ADAM12: variants seen among roughly 807,000 people sequenced by gnomAD.
ADAM12 encodes the protein ADAM metallopeptidase domain 12, also known as disintegrin and metalloproteinase domain-containing protein 12.
In ADAM12, 70 loss-of-function variants were observed where a neutral mutation model predicts 106.4. The ratio of observed to expected loss-of-function variants is 0.66; its 90% CI spans 0.54 to 0.80. The LOEUF (loss-of-function observed/expected upper bound fraction) is 0.80, where lower values mean the gene tolerates loss of function less well. ADAM12 is among the 30% of genes least tolerant of loss of function. The pLI, the probability that ADAM12 is intolerant of heterozygous loss-of-function variation, is 0.00. For missense variants in ADAM12, 1,010 were observed against 1,171.9 expected (o/e 0.86, Z 2.02); for synonymous variants, 420 against 433.5 (o/e 0.97, Z 0.39).
At chr10:126,200,984 T>G (rs1957689116) in intron 3 of ADAM12, among the ~76,000 whole-genome samples, 2 of 152,140 alleles carry the variant, frequency 1.3e-5, no homozygotes, top group South Asian at 4.1e-4. Flanking sequence ...GGGCATAAAT[T>G]TCTCATATGG....
At chr10:126,226,211 T>TGGGGGGGGGGGGGGGGGGGGGGGGGAGG (rs1565151047) in intron 3 of ADAM12, among the ~76,000 whole-genome samples, 1 of 56,626 alleles carries the variant, frequency 1.8e-5, no homozygotes, top group African/African-American at 6.7e-5. Context: ...GCGGGGGGAG[T>TGGGGGGGGGGGGGGGGGGGGGGGGGAGG]GGGGTGGGAG....
chr10:126,071,833 T>C (rs1421607629), intron 11 of ADAM12, among the ~76,000 whole-genome samples, 179 bp from the exon 12 acceptor site: 1 of 152,200 alleles, frequency 6.6e-6, no homozygotes, highest in East Asian at 1.9e-4. Flanking sequence ...CACATTCAGT[T>C]CCATCCCGAC....
intron 20 of ADAM12, among the ~76,000 whole-genome samples, chr10:126,036,840 C>G (rs1438937797): frequency 6.6e-6 from 1 of 152,182 alleles, no homozygotes; most frequent in Non-Finnish European, 1.5e-5. Context: ...TGCAGGGACC[C>G]TTATACCTCA....
intron 21 of ADAM12, among the ~76,000 whole-genome samples, chr10:126,025,952 A>AG (rs1407592550): frequency 1.3e-5 from 2 of 152,202 alleles, no homozygotes; most frequent in Non-Finnish European, 2.9e-5. Flanking sequence ...GACTAACAGC[A>AG]GACCTCCCAG....
chr10:126,247,098 T>G (rs1244424494), intron 3 of ADAM12, among the ~76,000 whole-genome samples: 1 of 152,234 alleles, frequency 6.6e-6, no homozygotes, highest in Non-Finnish European at 1.5e-5. Context: ...TACTTCTTGT[T>G]GGAAAATAAT....
chr10:126,348,533 G>A (rs1015314144), intron 1 of ADAM12, among the ~76,000 whole-genome samples: 5 of 152,128 alleles, frequency 3.3e-5, no homozygotes, highest in South Asian at 2.1e-4. Context: ...GAGAGAGAAC[G>A]GATGCATATG....
At chr10:126,186,997 CA>C (rs1289858639) in intron 3 of ADAM12, among the ~76,000 whole-genome samples, 1 of 152,198 alleles carries the variant, frequency 6.6e-6, no homozygotes, top group Admixed American at 6.5e-5. Flanking sequence ...GATCAATCTC[CA>C]ACTTTGGATT....
chr10:126,216,230 C>T (rs1363779321), intron 3 of ADAM12, among the ~76,000 whole-genome samples: 1 of 152,176 alleles, frequency 6.6e-6, no homozygotes, highest in East Asian at 1.9e-4. Flanking sequence ...TCCATCCCAG[C>T]AGTATTTAAG....
In ADAM12 at chr10:126,064,255, A is replaced by T. The variant is rs570185515; in HGVS notation, c.1609+551T>A. ...ACTGCTGCTCTCAGGCCTTCTGATT[A>T]CAGACACACTCATGCTTCAAGTCTG... On this transcript the variant is annotated intron_variant, in intron 14 of 22. Coordinates refer to ENST00000448723, the MANE Select transcript of ADAM12 (RefSeq NM_001288973.2). The surrounding 1 kb of genome is among the most constrained non-coding windows in gnomAD (Gnocchi z 4.4). 6.6e-6 allele frequency among the ~76,000 whole-genome samples: 1 copy of T among 152,264 alleles called. No homozygotes were observed. Among genetic ancestry groups the T allele is most frequent in the African/African-American group, 2.4e-5 (1 of 41,552 alleles).
At chr10:126,299,022 G>A (rs534184000) in intron 2 of ADAM12, among the ~76,000 whole-genome samples, 2 of 152,322 alleles carry the variant, frequency 1.3e-5, no homozygotes, top group Admixed American at 1.3e-4. Context: ...TTTTCTTCAG[G>A]AGAGAGGAAT....
At chr10:126,380,084 GAAT>G (rs1335057840) in intron 1 of ADAM12, among the ~76,000 whole-genome samples, 2 of 152,110 alleles carry the variant, frequency 1.3e-5, no homozygotes, top group Non-Finnish European at 2.9e-5. Context: ...TGTAGCCTTG[GAAT>G]GACATAAAAG....
chr10:126,038,344 A>T lies in ADAM12; in HGVS notation c.2246T>A (p.Val749Glu). 6.3e-7 allele frequency: 1 copy of T among 1,589,820 alleles called. No homozygotes were observed. The highest frequency in any genetic ancestry group is 8.6e-7 in the Non-Finnish European group (1 of 1,166,794). ...GCCACGGGGTGGCCGGGAAGGGCGC[A>T]CACACCTGCAACAGAATCCCATACC... ...KKTTIEKLRC[V>E]RPSRPPRGFQ... is the part of the protein sequence containing the mutation. Residue 749 changes from valine (V) to glutamate (E), a missense_variant, in exon 20 of 23, where the codon GTG becomes GAG. By Grantham distance (121) the Val-to-Glu change is moderately radical (BLOSUM62 -2). Transcript: ENST00000448723.
At chr10:126,311,515 G>T (rs906592134) in intron 2 of ADAM12, among the ~76,000 whole-genome samples, 29 of 152,044 alleles carry the variant, frequency 1.9e-4, no homozygotes, top group Non-Finnish European at 2.9e-5. Context: ...TTCTAATAAG[G>T]TGACTCTTGG....
chr10:126,372,736 C>T (rs1856152544), intron 1 of ADAM12, among the ~76,000 whole-genome samples: 1 of 152,212 alleles, frequency 6.6e-6, no homozygotes, highest in Admixed American at 6.5e-5. Flanking sequence ...TATCCTATCC[C>T]AGCCCTTTCT....
At chr10:126,134,216 T>A (rs1956361844) in intron 5 of ADAM12, among the ~76,000 whole-genome samples, 1 of 152,210 alleles carries the variant, frequency 6.6e-6, no homozygotes, top group Middle Eastern at 3.4e-3. Context: ...ATAAAAATGC[T>A]TTTAAAAAAA....
intron 3 of ADAM12, among the ~76,000 whole-genome samples, chr10:126,236,565 C>T (rs541301866): frequency 2.7e-4 from 41 of 152,082 alleles, no homozygotes; most frequent in South Asian, 2.1e-3. Flanking sequence ...CACGGCTCTG[C>T]GGGGGGAGCT....
intron 6 of ADAM12, 53 bp downstream of exon 6, chr10:126,117,985 C>CG: frequency 6.3e-7 from 1 of 1,585,308 alleles, no homozygotes; most frequent in Non-Finnish European, 8.7e-7. Context: ...GTGGGGTATC[C>CG]GTAGCTTGAG....
intron 1 of ADAM12, among the ~76,000 whole-genome samples, chr10:126,358,202 T>C (rs1179653995): frequency 6.9e-6 from 1 of 144,968 alleles, no homozygotes. Context: ...GTAAAGAAAA[T>C]TACAGGCCAA....
chr10:126,316,094 A>G (rs374748567), intron 2 of ADAM12, among the ~76,000 whole-genome samples: 2 of 152,192 alleles, frequency 1.3e-5, no homozygotes, highest in East Asian at 3.9e-4. Flanking sequence ...GAGATATGAT[A>G]GAATTTTTTA....
Sources: gnomAD v4.1 joint callset for allele counts (sites outside exome capture counted in the v4.1 genomes callset) on GRCh38, gnomAD v4.1.1 for gene constraint, Gnocchi (gnomAD v3.1) non-coding constraint, MANE v1.5 for transcripts, NCBI Gene and HGNC (gene_info 2026-07-23, HGNC 2026-07-21) for gene names.